Variants in NEK7 observed in about 807,000 individuals in gnomAD.
NEK7 encodes the protein NIMA related kinase 7.
In NEK7, 18 loss-of-function variants were observed where a neutral mutation model predicts 44.6. The observed-to-expected ratio is 0.40, with a 90% CI of 0.28 to 0.60. NEK7 has a LOEUF of 0.60. Ranked by LOEUF, NEK7 falls within the 20% of genes least tolerant of loss-of-function variation. The pLI is 0.38. For synonymous variants in NEK7, 130 were observed against 121.1 expected, an observed-to-expected ratio of 1.07 and a Z score of -0.48; for missense variants, 256 against 366.5, an observed-to-expected ratio of 0.70 and a Z score of 2.46.
intron 9 of NEK7, among the ~76,000 whole-genome samples, chr1:198,315,941 A>G (rs1226944211): frequency 2.0e-5 from 3 of 152,202 alleles, no homozygotes; most frequent in Admixed American, 2.0e-4. Context: ...GTTGGTGGTT[A>G]TTGAAGGCAT....
chr1:198,252,673 CAT>C lies in NEK7; in HGVS notation c.58-364_58-363del, dbSNP rs775697312. Among the ~76,000 whole-genome samples the C allele has an allele frequency of 1.9e-3, 234 of 125,882 alleles. 2 individuals carry two copies. Among genetic ancestry groups the C allele is most frequent in the African/African-American group, 5.6e-3 (180 of 32,220 alleles). The allele number at this position is 125,882 out of a possible 152,430, so 82.6% of individuals were successfully genotyped here. ...ATATATGTATGTTTATATATTAAAA[CAT>C]ATGTATGTTTATGTATTAAAACATG... On this transcript the variant is annotated intron_variant, in intron 2 of 9. Coordinates refer to ENST00000367385, the MANE Select transcript of NEK7 (RefSeq NM_133494.3).
intron 7 of NEK7, among the ~76,000 whole-genome samples, chr1:198,283,933 G>C (rs942434309): frequency 1.3e-5 from 2 of 152,104 alleles, no homozygotes; most frequent in African/African-American, 4.8e-5. Context: ...CCTTCATGCT[G>C]TTTCATTTAC....
intron 2 of NEK7, among the ~76,000 whole-genome samples, chr1:198,252,530 A>ATATATATG (rs1653057534): frequency 2.1e-5 from 1 of 48,718 alleles, no homozygotes; most frequent in Non-Finnish European, 3.1e-5. Context: ...CTCACATACT[A>ATATATATG]TATATATATA....
intron 3 of NEK7, 123 bp from the exon 4 acceptor site, chr1:198,262,452 G>A (rs1653508369): frequency 1.7e-6 from 1 of 592,426 alleles, no homozygotes; most frequent in Non-Finnish European, 2.9e-6. Flanking sequence ...ATAAAGAAAA[G>A]CTAATCAGAA....
intron 9 of NEK7, among the ~76,000 whole-genome samples, chr1:198,307,399 A>C (rs1215469528): frequency 2.6e-5 from 4 of 152,158 alleles, no homozygotes. Flanking sequence ...AGGATAAACA[A>C]ATGTGCTCCC....
At chr1:198,270,849 A>C (rs1275468125) in intron 5 of NEK7, among the ~76,000 whole-genome samples, 1 of 152,078 alleles carries the variant, frequency 6.6e-6, no homozygotes, top group Non-Finnish European at 1.5e-5. Flanking sequence ...CCTGTGGGTC[A>C]GGATTAGTGG....
intron 9 of NEK7, among the ~76,000 whole-genome samples, chr1:198,315,402 C>G (rs888428047): frequency 6.6e-6 from 1 of 152,232 alleles, no homozygotes; most frequent in Non-Finnish European, 1.5e-5. Flanking sequence ...TCTTCTGCGT[C>G]GCTTACGCTG....
chr1:198,186,921 G>A (rs1294934776), intron 1 of NEK7, among the ~76,000 whole-genome samples: 1 of 152,202 alleles, frequency 6.6e-6, no homozygotes, highest in Non-Finnish European at 1.5e-5. Flanking sequence ...AGTATGGATT[G>A]TTCCATCTGA....
chr1:198,239,113 G>A (rs1666616060), intron 2 of NEK7, among the ~76,000 whole-genome samples: 1 of 152,094 alleles, frequency 6.6e-6, no homozygotes, highest in African/African-American at 2.4e-5. Context: ...GTTTGTAACT[G>A]GTCTTCTTTC....
At chr1:198,304,826 G>A (rs757536890) in intron 9 of NEK7, among the ~76,000 whole-genome samples, 6 of 151,976 alleles carry the variant, frequency 3.9e-5, no homozygotes, top group African/African-American at 4.8e-5. Flanking sequence ...TAATGACCTC[G>A]TAATCCCTTA....
chr1:198,185,397 A>G (rs908134079), intron 1 of NEK7, among the ~76,000 whole-genome samples: 5 of 151,816 alleles, frequency 3.3e-5, no homozygotes, highest in African/African-American at 9.7e-5. Flanking sequence ...TAAGAAATAT[A>G]TATATATTTT....
At chr1:198,247,727 A>G (rs1295164253) in intron 2 of NEK7, among the ~76,000 whole-genome samples, 2 of 150,930 alleles carry the variant, frequency 1.3e-5, no homozygotes, top group Non-Finnish European at 2.9e-5. Flanking sequence ...TTTTTTTTTT[A>G]AGAGAAAACA....
At chr1:198,290,604 C>CT (rs1239787427) in intron 7 of NEK7, among the ~76,000 whole-genome samples, 1 of 152,076 alleles carries the variant, frequency 6.6e-6, no homozygotes, top group Non-Finnish European at 1.5e-5. Context: ...AGACCTCCCT[C>CT]TTAGGCCTGT....
At chr1:198,303,637 A>G (rs1654949184) in intron 9 of NEK7, among the ~76,000 whole-genome samples, 1 of 152,124 alleles carries the variant, frequency 6.6e-6, no homozygotes, top group South Asian at 2.1e-4. Flanking sequence ...ATAGATCTAT[A>G]TAAGTTTTCT....
intron 7 of NEK7, among the ~76,000 whole-genome samples, chr1:198,284,414 T>G (rs565000808): frequency 6.6e-6 from 1 of 152,178 alleles, no homozygotes; most frequent in Non-Finnish European, 1.5e-5. Context: ...CTCCTAGAAT[T>G]GACTACTCTT....
chr1:198,230,800 A>T (rs569307789), intron 1 of NEK7, among the ~76,000 whole-genome samples: 4 of 152,044 alleles, frequency 2.6e-5, no homozygotes, highest in African/African-American at 4.8e-5. Flanking sequence ...AAATTGAATT[A>T]AAAAACCCCA....
chr1:198,278,956 A>G lies in NEK7; in HGVS notation c.484A>G (p.Ile162Val), dbSNP rs2102982367. 6.3e-7 allele frequency: 1 copy of G among 1,580,380 alleles called. No individual in the cohort carries two copies. The part of the protein sequence containing the change: ...MHSRRVMHRD[I>V]KPANVFITAT... The stretch of plus-strand genomic sequence containing the variant: ...CTGATCCCTTCATTTATTCACAGAT[A>G]TAAAACCAGCTAATGTGTTCATTAC... The change falls in exon 7 of 10, where the codon ATA becomes GTA. Residue 162 changes from isoleucine to valine, a missense_variant and splice_region_variant. This residue lies in a region of NEK7 where 102 missense variants were observed against 205.2 expected (regional missense o/e 0.50). Transcript: ENST00000367385.
chr1:198,320,797 G>GT lies in NEK7; in HGVS notation c.*1277dup, dbSNP rs1280564501. On this transcript the variant is annotated 3_prime_UTR_variant, in exon 10 of 10. Coordinates refer to ENST00000367385, the MANE Select transcript of NEK7 (RefSeq NM_133494.3). ...ACTGGCCATGACTACAGCCAGAACT[G>GT]TTATGAGATTAACATTTCTATTGAG... 1.2e-4 allele frequency: 19 copies of GT among 152,072 alleles called. No individual in the cohort carries two copies. Among genetic ancestry groups the GT allele is most frequent in the African/African-American group, 4.3e-4 (18 of 41,400 alleles). The allele number at this position is 152,072 out of a possible 1,614,324, so 9.4% of individuals were successfully genotyped here.
intron 9 of NEK7, among the ~76,000 whole-genome samples, chr1:198,311,616 A>G (rs1488087090): frequency 1.3e-5 from 2 of 152,092 alleles, no homozygotes; most frequent in African/African-American, 4.8e-5. Flanking sequence ...TGTCCCATCA[A>G]TACCTAATTT....
Sources: gnomAD v4.1 joint callset for allele counts (sites outside exome capture counted in the v4.1 genomes callset) on GRCh38, gnomAD v4.1.1 for gene constraint, gnomAD v4.1.1 regional missense constraint, MANE v1.5 for transcripts, NCBI Gene and HGNC (gene_info 2026-07-23, HGNC 2026-07-21) for gene names.